NLGN1: variants seen among roughly 807,000 people sequenced by gnomAD.
The protein encoded by NLGN1 is neuroligin-1.
A neutral mutation model predicts 65.5 loss-of-function variants in NLGN1; 12 were observed. The observed-to-expected ratio is 0.18, with a 90% confidence interval of 0.12 to 0.30. The LOEUF is 0.30. Among genes scored for constraint, NLGN1 ranks in the 10% least tolerant of loss-of-function variants. NLGN1 has a pLI of 1.00. For missense variants in NLGN1, 750 were observed against 1,007.1 expected (o/e 0.74, Z 3.46); for synonymous variants, 350 against 359.5 (o/e 0.97, Z 0.30).
downstream of NLGN1, among the ~76,000 whole-genome samples, chr3:174,289,939 G>GTATGTATATATATGTGTATATATATA (rs1752550329): frequency 9.6e-6 from 1 of 103,722 alleles, no homozygotes; most frequent in South Asian, 3.4e-4. Context: ...ATATATATAT[G>GTATGTATATATATGTGTATATATATA]TATGTATATA....
chr3:173,485,311 A>G (rs144301611), intron 2 of NLGN1, among the ~76,000 whole-genome samples: 21 of 152,182 alleles, frequency 1.4e-4, no homozygotes, highest in Middle Eastern at 3.4e-3. Context: ...GCCAAACCAT[A>G]TTAGTGACTT....
chr3:174,214,901 A>C (rs987081197), intron 4 of NLGN1, among the ~76,000 whole-genome samples: 22 of 152,124 alleles, frequency 1.4e-4, no homozygotes, highest in Non-Finnish European at 1.6e-4. Context: ...TATTGTCTAA[A>C]ATTTACCTGA....
intron 4 of NLGN1, among the ~76,000 whole-genome samples, chr3:174,089,960 A>C (rs56040787): frequency 6.6e-6 from 1 of 151,536 alleles, no homozygotes; most frequent in African/African-American, 2.4e-5. Context: ...TACAATCACT[A>C]TATCTAGAGT....
At chr3:173,955,312 C>T (rs1481429258) in intron 4 of NLGN1, among the ~76,000 whole-genome samples, 2 of 152,108 alleles carry the variant, frequency 1.3e-5, no homozygotes, top group Admixed American at 6.5e-5. Flanking sequence ...ATACTGTTCT[C>T]TCTCAGGGAG....
At chr3:173,792,267 A>T (rs1267824298) in intron 3 of NLGN1, among the ~76,000 whole-genome samples, 1 of 152,126 alleles carries the variant, frequency 6.6e-6, no homozygotes, top group Non-Finnish European at 1.5e-5. Flanking sequence ...ACCCACTCAG[A>T]AAACAGGATC....
At chr3:173,691,211 T>C (rs1384806529) in intron 3 of NLGN1, among the ~76,000 whole-genome samples, 1 of 152,076 alleles carries the variant, frequency 6.6e-6, no homozygotes, top group African/African-American at 2.4e-5. Flanking sequence ...GAAGATTTCC[T>C]TTTCTCCAAA....
chr3:173,513,069 G>A (rs1733242843), intron 2 of NLGN1, among the ~76,000 whole-genome samples: 1 of 152,182 alleles, frequency 6.6e-6, no homozygotes, highest in Admixed American at 6.5e-5. Context: ...GGAAGCTGGA[G>A]TTGGATATTT....
chr3:173,778,477 G>C (rs1780646633), intron 3 of NLGN1, among the ~76,000 whole-genome samples: 1 of 151,700 alleles, frequency 6.6e-6, no homozygotes, highest in African/African-American at 2.4e-5. Context: ...TAAGGGTAGA[G>C]GAAAACCAAT....
intron 2 of NLGN1, among the ~76,000 whole-genome samples, chr3:173,567,062 T>TA (rs1559978294): frequency 6.6e-6 from 1 of 152,114 alleles, no homozygotes; most frequent in Admixed American, 6.5e-5. Context: ...CCTTAGTTAT[T>TA]AAAAAAGAAT....
intron 3 of NLGN1, among the ~76,000 whole-genome samples, chr3:173,636,550 G>GT (rs528312909): frequency 4.2e-4 from 63 of 148,252 alleles, no homozygotes; most frequent in African/African-American, 8.9e-4. Context: ...TTAGCATATC[G>GT]TTTTTTTTTG....
At chr3:174,157,492 A>C (rs1427299469) in intron 4 of NLGN1, among the ~76,000 whole-genome samples, 1 of 151,636 alleles carries the variant, frequency 6.6e-6, no homozygotes, top group Admixed American at 6.6e-5. Context: ...CATTTTTTTT[A>C]ATGTGCTTTG....
chr3:174,244,172 T>A (rs1743373195), intron 4 of NLGN1, among the ~76,000 whole-genome samples: 1 of 152,204 alleles, frequency 6.6e-6, no homozygotes, highest in Admixed American at 6.5e-5. Context: ...AAAGAAGTAA[T>A]AGTTCCAATA....
intron 4 of NLGN1, among the ~76,000 whole-genome samples, chr3:174,067,233 A>T (rs1166006116): frequency 1.3e-5 from 2 of 152,038 alleles, no homozygotes; most frequent in African/African-American, 4.8e-5. Context: ...TGATTAATCT[A>T]CCTCTCTACC....
intron 4 of NLGN1, among the ~76,000 whole-genome samples, chr3:174,096,912 A>G (rs999288186): frequency 2.0e-5 from 3 of 152,100 alleles, no homozygotes; most frequent in African/African-American, 4.8e-5. Flanking sequence ...TGGAATTAAC[A>G]TCTGGGAATG....
chr3:173,997,862 G>A (rs1351524354), intron 4 of NLGN1, among the ~76,000 whole-genome samples: 1 of 151,898 alleles, frequency 6.6e-6, no homozygotes, highest in Non-Finnish European at 1.5e-5. Flanking sequence ...CTAGTATTTT[G>A]GTTCTAGTAT....
intron 2 of NLGN1, among the ~76,000 whole-genome samples, chr3:173,449,556 A>T (rs1721079007): frequency 6.6e-6 from 1 of 151,936 alleles, no homozygotes; most frequent in Non-Finnish European, 1.5e-5. Context: ...TGGGGTGGAG[A>T]GTTCTGTAGA....
intron 4 of NLGN1, among the ~76,000 whole-genome samples, chr3:173,910,204 A>T (rs1415736659): frequency 6.6e-6 from 1 of 152,140 alleles, no homozygotes; most frequent in East Asian, 1.9e-4. Context: ...ATCACCTGGG[A>T]TCCTGCTAAA....
intron 4 of NLGN1, among the ~76,000 whole-genome samples, chr3:173,956,631 G>A (rs1287598942): frequency 6.6e-6 from 1 of 152,136 alleles, no homozygotes; most frequent in African/African-American, 2.4e-5. Context: ...TCCTGCCACT[G>A]TATGGTTGAG....
intron 4 of NLGN1, among the ~76,000 whole-genome samples, chr3:173,829,177 G>T (rs2150579893): frequency 6.6e-6 from 1 of 152,226 alleles, no homozygotes; most frequent in Admixed American, 6.5e-5. Context: ...CACTGCAAGA[G>T]GGAGCTTTCA....
Sources: gnomAD v4.1 joint callset for allele counts (sites outside exome capture counted in the v4.1 genomes callset) on GRCh38, gnomAD v4.1.1 for gene constraint, MANE v1.5 for transcripts, NCBI Gene and HGNC (gene_info 2026-07-23, HGNC 2026-07-21) for gene names.